The following BACH1 variants were observed in gnomAD, a reference collection of about 807,000 sequenced individuals.
The protein encoded by BACH1 is transcription regulator protein BACH1.
Under a neutral mutation model 52.9 loss-of-function variants are expected in BACH1, and 35 were observed. The ratio of observed to expected loss-of-function variants is 0.66; its 90% CI spans 0.51 to 0.88. The LOEUF is 0.88. Among genes scored for constraint, BACH1 ranks in the 40% least tolerant of loss-of-function variants. The pLI is 0.00. For synonymous variants in BACH1, 321 were observed against 319.6 expected (o/e 1.00, Z -0.05); for missense variants, 808 against 872.6 (o/e 0.93, Z 0.93).
intron 2 of BACH1, among the ~76,000 whole-genome samples, chr21:29,357,335 T>A (rs1051599667): frequency 6.6e-6 from 1 of 152,192 alleles, no homozygotes; most frequent in African/African-American, 2.4e-5. Context: ...CTACGGGGAC[T>A]TCTAAGAGAT....
rs1349416910 is a variant in BACH1 at position 29,327,098 on chromosome 21, C to T, written c.1274C>T (p.Ser425Leu). 9 of 1,614,060 alleles carry T rather than the reference C, an allele frequency of 5.6e-6. No individual in the cohort carries two copies. The highest frequency in any genetic ancestry group is 2.2e-5 in the East Asian group (1 of 44,894). The change falls in exon 3 of 5, where the codon TCA (serine) becomes TTA (leucine). Residue 425 changes from serine to leucine, a missense_variant. Transcript: ENST00000286800. Reference sequence around the variant, plus strand: ...TCACCTGCTGTGGCCAAAGATGGCTCAGAACAGATCTCACAGAAACGGTCT... The same window carrying T: ...TCACCTGCTGTGGCCAAAGATGGCTTAGAACAGATCTCACAGAAACGGTCT... ...QLSPAVAKDGSEQISQKRSEC... is the reference protein window; with the variant it reads ...QLSPAVAKDGLEQISQKRSEC...
At chr21:29,300,766 C>T (rs1307004925) in intron 1 of BACH1, 2 of 152,204 alleles carry the variant, frequency 1.3e-5, no homozygotes, top group Non-Finnish European at 2.9e-5. Context: ...ACAGAAGGGA[C>T]TTGCTCTGTT....
intron 2 of BACH1, chr21:29,361,002 A>G (rs1390223848): frequency 2.0e-5 from 3 of 152,204 alleles, no homozygotes; most frequent in African/African-American, 4.8e-5. Flanking sequence ...TACTTAGTCT[A>G]GTGTTTAATG....
At chr21:29,302,100 A>C (rs775211733) in intron 1 of BACH1, among the ~76,000 whole-genome samples, 5 of 152,136 alleles carry the variant, frequency 3.3e-5, no homozygotes, top group Non-Finnish European at 7.4e-5. Flanking sequence ...CCTCTCTTCT[A>C]ATTTTCTGAC....
chr21:29,360,214 G>C (rs539427970), intron 2 of BACH1, among the ~76,000 whole-genome samples: 221 of 152,128 alleles, frequency 1.5e-3, no homozygotes, highest in Middle Eastern at 0.014. Context: ...GACCACTTGG[G>C]TACATGTCAT....
At chr21:29,352,876 T>A (rs946039677) in intron 2 of BACH1, among the ~76,000 whole-genome samples, 4 of 152,134 alleles carry the variant, frequency 2.6e-5, no homozygotes, top group Admixed American at 6.5e-5. Context: ...CACACCTGGC[T>A]AATTTTTGTA....
chr21:29,314,197 T>C (rs1395291886), intron 1 of BACH1, among the ~76,000 whole-genome samples: 2 of 152,220 alleles, frequency 1.3e-5, no homozygotes, highest in African/African-American at 4.8e-5. Flanking sequence ...GGTATAACAG[T>C]GGAATCTGTT....
rs373373276 is a variant in BACH1 at position 29,327,036 on chromosome 21, C to T, written c.1212C>T (p.Asp404=). The T allele has an allele frequency of 2.7e-5, 43 of 1,614,048 alleles. No individual in the cohort carries two copies. Among genetic ancestry groups the T allele is most frequent in the Non-Finnish European group, 3.4e-5 (40 of 1,180,038 alleles). The part of the protein sequence containing the change: ...AEHLAKGFWS[D]ICSTDTPCQM... ...ACCTAGCAAAAGGCTTCTGGAGTGACATTTGCAGCACGGACACTCCTTGCC... is the reference window on the plus strand; with the variant it reads ...ACCTAGCAAAAGGCTTCTGGAGTGATATTTGCAGCACGGACACTCCTTGCC... Residue 404 remains aspartate (D), a synonymous_variant, in exon 3 of 5, where the codon GAC becomes GAT. Coordinates refer to ENST00000286800, the MANE Select transcript of BACH1 (RefSeq NM_001186.4).
intron 2 of BACH1, among the ~76,000 whole-genome samples, chr21:29,357,228 T>G (rs2089240150): frequency 1.3e-5 from 2 of 152,246 alleles, no homozygotes; most frequent in African/African-American, 4.8e-5. Flanking sequence ...GGGAAGAGGC[T>G]TACTTTCAAG....
At position 29,339,358 on chromosome 21, in the gene BACH1, G is replaced by A. The variant is rs382184; in HGVS notation, c.1777-3041G>A. On this transcript the variant is annotated intron_variant, in intron 4 of 4. Transcript: ENST00000286800. ...GTGGTAGCTTTTATTTTTATCTTATGAGTGAAAATGAGCATTTTTGCTTAT... is the reference window on the plus strand; with the variant it reads ...GTGGTAGCTTTTATTTTTATCTTATAAGTGAAAATGAGCATTTTTGCTTAT... Among the ~76,000 whole-genome samples the A allele has an allele frequency of 6.9e-3, 1,052 of 152,166 alleles. 11 individuals are homozygous for A. The highest frequency in any genetic ancestry group is 0.024 in the African/African-American group (1,005 of 41,502).
intron 1 of BACH1, among the ~76,000 whole-genome samples, chr21:29,312,784 G>A (rs538740143): frequency 3.3e-5 from 5 of 152,224 alleles, no homozygotes; most frequent in African/African-American, 1.2e-4. Flanking sequence ...GAAGAGAGAT[G>A]CCATATTCAT....
chr21:29,323,042 A>T (rs938414208), intron 2 of BACH1, among the ~76,000 whole-genome samples: 5 of 152,306 alleles, frequency 3.3e-5, no homozygotes, highest in Middle Eastern at 3.4e-3. Flanking sequence ...TGTAAATCAT[A>T]AGTTTTCAAA....
chr21:29,314,316 GT>G (rs1272615414), intron 1 of BACH1, among the ~76,000 whole-genome samples: 1 of 152,058 alleles, frequency 6.6e-6, no homozygotes, highest in African/African-American at 2.4e-5. Context: ...ATCAAAGTTG[GT>G]TTTCATCATT....
chr21:29,319,872 T>A (rs1035980905), intron 1 of BACH1, among the ~76,000 whole-genome samples: 8 of 151,716 alleles, frequency 5.3e-5, no homozygotes, highest in African/African-American at 1.7e-4. Flanking sequence ...ATATATAACT[T>A]CTTTGATTGA....
intron 4 of BACH1, among the ~76,000 whole-genome samples, chr21:29,330,777 T>C (rs2088971654): frequency 6.6e-6 from 1 of 151,964 alleles, no homozygotes; most frequent in Non-Finnish European, 1.5e-5. Context: ...ACAGCAACAA[T>C]TTAGGGAAAA....
Position 29,343,966 on chromosome 21 carries a change from C to G in BACH1, c.*1133C>G, listed in dbSNP as rs2089143079. ...TTGAAAAGCAGGTTGAATCCTTGCT[C>G]TCTTCTCCAAATTTGGTGTGGTATA... On this transcript the variant is annotated 3_prime_UTR_variant, in exon 5 of 5. Transcript: ENST00000286800. 6.6e-6 allele frequency: 1 copy of G among 152,194 alleles called. No individual in the cohort carries two copies. Among genetic ancestry groups the G allele is most frequent in the Non-Finnish European group, 1.5e-5 (1 of 68,028 alleles). The allele number at this position is 152,194 out of a possible 1,614,324, so 9.4% of individuals were successfully genotyped here. A position where few individuals can be genotyped will look rare whatever the true frequency, so the allele number is the denominator to read the frequency against.
chr21:29,301,328 A>C (rs1191754988), intron 1 of BACH1, among the ~76,000 whole-genome samples: 4 of 152,238 alleles, frequency 2.6e-5, no homozygotes, highest in African/African-American at 9.7e-5. Flanking sequence ...TTCATATTAT[A>C]TAATGCGCGT....
chr21:29,320,049 A>G (rs2091768776), intron 1 of BACH1, among the ~76,000 whole-genome samples: 1 of 152,176 alleles, frequency 6.6e-6, no homozygotes. Flanking sequence ...TGAATCAGTA[A>G]ATAAGTTGTG....
At chr21:29,334,458 A>T (rs2089021841) in intron 4 of BACH1, among the ~76,000 whole-genome samples, 2 of 152,204 alleles carry the variant, frequency 1.3e-5, no homozygotes, top group Non-Finnish European at 2.9e-5. Context: ...TGTTTAACTT[A>T]TGAAGCTCTT....
Sources: gnomAD v4.1 joint callset for allele counts (sites outside exome capture counted in the v4.1 genomes callset) on GRCh38, gnomAD v4.1.1 for gene constraint, MANE v1.5 for transcripts, NCBI Gene and HGNC (gene_info 2026-07-23, HGNC 2026-07-21) for gene names.